Variants in ROR1 observed in about 807,000 individuals in gnomAD.
ROR1 encodes inactive tyrosine-protein kinase transmembrane receptor ROR1.
Under a neutral mutation model 78.8 loss-of-function variants are expected in ROR1, and 19 were observed. That is an observed-to-expected ratio of 0.24 (90% CI 0.17 to 0.35). The LOEUF (loss-of-function observed/expected upper bound fraction) is 0.35, where lower values mean the gene tolerates loss of function less well. ROR1 is among the 10% of genes least tolerant of loss of function. The pLI is 1.00. For missense variants in ROR1, 917 were observed against 1,177.8 expected, an observed-to-expected ratio of 0.78 and a Z score of 3.24; for synonymous variants, 386 against 433.6, an observed-to-expected ratio of 0.89 and a Z score of 1.36.
chr1:64,044,214 C>A lies in ROR1; in HGVS notation c.164-5477C>A, dbSNP rs1052358631. On this transcript the variant is annotated intron_variant, in intron 2 of 8. Transcript: ENST00000371079. Reference sequence around the variant, plus strand: ...AACCCATTTTGTTCTGAAAGCCTTACACCAGTCTAGGACCCTGAGGGCTGG... The same window carrying A: ...AACCCATTTTGTTCTGAAAGCCTTAAACCAGTCTAGGACCCTGAGGGCTGG... Among the ~76,000 whole-genome samples, 4 of 152,160 alleles carry A rather than the reference C, an allele frequency of 2.6e-5. No homozygotes were observed. In the East Asian group the frequency reaches 5.8e-4, roughly 22 times the overall value.
In ROR1 at chr1:64,178,589, C is replaced by T; in HGVS notation, c.2548C>T (p.Pro850Ser). 1 of 1,614,194 alleles carries T rather than the reference C, an allele frequency of 6.2e-7. No individual in the cohort carries two copies. Among genetic ancestry groups the T allele is most frequent in the Non-Finnish European group, 8.5e-7 (1 of 1,180,038 alleles). Residue 850 changes from proline to serine, a missense_variant, in exon 9 of 9, where the codon CCT becomes TCT. Coordinates refer to ENST00000371079, the MANE Select transcript of ROR1 (RefSeq NM_005012.4). This position sits in a 1 kb window ranked among gnomAD's most constrained non-coding sequence, Gnocchi z 4.3. ...TCCCAGAGTGATTCAGCACTGCCCACCTCCCAAGAGTCGGTCCCCAAGCAG... is the reference window on the plus strand; with the variant it reads ...TCCCAGAGTGATTCAGCACTGCCCATCTCCCAAGAGTCGGTCCCCAAGCAG... ...GPPRVIQHCP[P>S]PKSRSPSSAS...
rs888478752 is a variant in ROR1 at position 64,174,119 on chromosome 1, G to A, written c.1387-3309G>A. ...CTTCCTGGATGACTTTCCTAATAAG[G>A]ATAATAAGAATGATTTAAAGGGCAC... On this transcript the variant is annotated intron_variant, in intron 8 of 8. Transcript: ENST00000371079. 5.9e-5 allele frequency among the ~76,000 whole-genome samples: 9 copies of A among 152,068 alleles called. No homozygotes were observed. The South Asian group carries it at 1.7e-3, about 28-fold the overall frequency.
chr1:63,845,923 T>G (rs952497172), intron 1 of ROR1, among the ~76,000 whole-genome samples: 1 of 152,158 alleles, frequency 6.6e-6, no homozygotes, highest in African/African-American at 2.4e-5. Context: ...CCTGAACTTA[T>G]GTTTTTATAC....
intron 1 of ROR1, among the ~76,000 whole-genome samples, chr1:63,849,521 C>A (rs535978632): frequency 6.6e-6 from 1 of 152,112 alleles, no homozygotes; most frequent in Admixed American, 6.5e-5. Context: ...AACATAGTGA[C>A]ACCTCATCTC....
intron 1 of ROR1, among the ~76,000 whole-genome samples, chr1:63,812,750 A>G (rs1187072983): frequency 6.6e-6 from 1 of 152,182 alleles, no homozygotes; most frequent in Non-Finnish European, 1.5e-5. Flanking sequence ...GAAGCTTTGT[A>G]TGTGTTGAGC....
At position 63,981,929 on chromosome 1, in the gene ROR1, G is replaced by A. The variant is rs570490683; in HGVS notation, c.92-27376G>A. Among the ~76,000 whole-genome samples, 11 of 152,152 alleles carry A rather than the reference G, an allele frequency of 7.2e-5. No homozygotes were observed. The South Asian group carries it at 1.2e-3, about 17-fold the overall frequency. On this transcript the variant is annotated intron_variant, in intron 1 of 8. Coordinates refer to ENST00000371079, the MANE Select transcript of ROR1 (RefSeq NM_005012.4). ...CCACTCAGCCCAATTTGTTGTTAAT[G>A]CTTGTTGCTCTCGCTTGCCTCCCTT...
rs532223347 is a variant in ROR1, at chr1:63,912,671, C to T, written c.92-96634C>T. ...TTCAGCCGGAGTTGTATCCTTGACACTGTTGGGCTAAGAGGCTGGGTTGCC... is the reference window on the plus strand; with the variant it reads ...TTCAGCCGGAGTTGTATCCTTGACATTGTTGGGCTAAGAGGCTGGGTTGCC... On this transcript the variant is annotated intron_variant, in intron 1 of 8. Coordinates refer to ENST00000371079, the MANE Select transcript of ROR1 (RefSeq NM_005012.4). Among the ~76,000 whole-genome samples, 8 of 152,248 alleles carry T rather than the reference C, an allele frequency of 5.3e-5. No individual in the cohort carries two copies. The East Asian group carries it at 1.2e-3, about 22-fold the overall frequency.
At chr1:64,116,042 T>A (rs1055609727) in intron 4 of ROR1, among the ~76,000 whole-genome samples, 1 of 152,190 alleles carries the variant, frequency 6.6e-6, no homozygotes, top group Non-Finnish European at 1.5e-5. Context: ...GAGTACTTGC[T>A]TTATGCCAGA....
intron 2 of ROR1, among the ~76,000 whole-genome samples, chr1:64,041,450 T>G (rs1332756290): frequency 1.3e-5 from 2 of 152,182 alleles, no homozygotes; most frequent in Non-Finnish European, 2.9e-5. Flanking sequence ...ACCTATTCAT[T>G]AAAATAAGCC....
At chr1:64,030,666 T>C (rs929913609) in intron 2 of ROR1, among the ~76,000 whole-genome samples, 1 of 152,222 alleles carries the variant, frequency 6.6e-6, no homozygotes, top group Non-Finnish European at 1.5e-5. Context: ...TTGGTATAAC[T>C]AATATTTTAG....
At chr1:64,121,931 C>T (rs375737970) in intron 4 of ROR1, among the ~76,000 whole-genome samples, 45 of 152,298 alleles carry the variant, frequency 3.0e-4, no homozygotes, top group South Asian at 2.3e-3. Context: ...CTACTTCTTC[C>T]TCTTTAAACT....
chr1:64,038,606 G>T (rs943375173), intron 2 of ROR1, among the ~76,000 whole-genome samples: 12 of 152,078 alleles, frequency 7.9e-5, no homozygotes, highest in African/African-American at 2.7e-4. Context: ...CTGGAAAATG[G>T]GTTAAGTTTC....
At chr1:63,918,489 G>A (rs1405646414) in intron 1 of ROR1, among the ~76,000 whole-genome samples, 1 of 152,150 alleles carries the variant, frequency 6.6e-6, no homozygotes, top group Non-Finnish European at 1.5e-5. Context: ...TCTTAAGAAC[G>A]GGGCGTGGTA....
chr1:64,052,722 G>A (rs1646843127), intron 4 of ROR1, among the ~76,000 whole-genome samples: 1 of 152,142 alleles, frequency 6.6e-6, no homozygotes, highest in Non-Finnish European at 1.5e-5. Flanking sequence ...AGCATGAAAT[G>A]TATAGTTACC....
intron 1 of ROR1, among the ~76,000 whole-genome samples, chr1:63,946,899 A>G (rs1645893904): frequency 6.6e-6 from 1 of 152,156 alleles, no homozygotes; most frequent in Non-Finnish European, 1.5e-5. Flanking sequence ...TAACGGAGGG[A>G]GTAAGGCTTC....
At chr1:63,881,141 T>C (rs1239181426) in intron 1 of ROR1, among the ~76,000 whole-genome samples, 1 of 152,320 alleles carries the variant, frequency 6.6e-6, no homozygotes, top group East Asian at 1.9e-4. Context: ...ATTTGACCTT[T>C]ACATAAGCAC....
At chr1:63,868,601 G>T (rs945533246) in intron 1 of ROR1, among the ~76,000 whole-genome samples, 5 of 152,216 alleles carry the variant, frequency 3.3e-5, no homozygotes, top group African/African-American at 1.2e-4. Context: ...TTTGAAATAA[G>T]CTGTGAAAAG....
In ROR1 at chr1:64,008,824, G is replaced by A. The variant is rs188199188; in HGVS notation, c.92-481G>A. Among the ~76,000 whole-genome samples, 50 of 152,004 alleles carry A rather than the reference G, an allele frequency of 3.3e-4. 1 individual carries two copies. In the East Asian group the frequency reaches 7.8e-3, roughly 24 times the overall value. ...TAATTTTTGTATTTTTAGTAGAGAC[G>A]GGGTTTCATCATGTTGGTCAGGCTG... On this transcript the variant is annotated intron_variant, in intron 1 of 8. Transcript: ENST00000371079.
chr1:63,791,089 C>T (rs1466241166), intron 1 of ROR1, among the ~76,000 whole-genome samples: 2 of 152,180 alleles, frequency 1.3e-5, no homozygotes, highest in African/African-American at 4.8e-5. Context: ...TTATTTCTTG[C>T]ACCTGCTATG....
Sources: allele counts gnomAD v4.1 joint callset (sites outside exome capture counted in the v4.1 genomes callset), GRCh38; gene constraint gnomAD v4.1.1; non-coding constraint Gnocchi (gnomAD v3.1); transcripts MANE v1.5; gene names NCBI Gene and HGNC (gene_info 2026-07-23, HGNC 2026-07-21).